CCDC134: variants seen among roughly 807,000 people sequenced by gnomAD.
The protein encoded by CCDC134 is coiled-coil domain containing 134.
A neutral mutation model predicts 25.6 loss-of-function variants in CCDC134; 27 were observed. The observed-to-expected ratio is 1.05, with a 90% CI of 0.78 to 1.45. CCDC134 has a LOEUF of 1.45. Among genes scored for constraint, CCDC134 ranks in the 40% most tolerant of loss-of-function variants. The pLI, the probability that CCDC134 is intolerant of heterozygous loss-of-function variation, is 0.00. For synonymous variants in CCDC134, 110 were observed against 115.0 expected (o/e 0.96, Z 0.28); for missense variants, 261 against 286.7 (o/e 0.91, Z 0.65).
At position 41,813,937 on chromosome 22, in the gene CCDC134, G is replaced by A; in HGVS notation, c.564+115G>A. 5.9e-6 allele frequency: 5 copies of A among 852,800 alleles called. No individual in the cohort carries two copies. In the South Asian group the frequency reaches 7.4e-5, roughly 13 times the overall value. 52.8% of individuals were successfully genotyped at this position (852,800 alleles called of 1,614,324 possible). ...CTTTGGACTTGGAGCCAGGCAGCCT[G>A]GGCCTGGGTCCAGAAGATATCACTG... is the stretch of plus-strand genomic sequence containing the variant. On this transcript the variant is annotated intron_variant, in intron 6 of 6. Transcript: ENST00000255784.
intron 6 of CCDC134, among the ~76,000 whole-genome samples, chr22:41,824,780 A>G (rs1213029871): frequency 6.6e-6 from 1 of 152,108 alleles, no homozygotes; most frequent in Admixed American, 6.5e-5. Context: ...AAAGAAAAGA[A>G]AAGATCCAAC....
chr22:41,817,422 T>C (rs2076627897), intron 6 of CCDC134, among the ~76,000 whole-genome samples: 1 of 152,098 alleles, frequency 6.6e-6, no homozygotes, highest in South Asian at 2.1e-4. Flanking sequence ...CCATAGTCTG[T>C]GGCCCTAAAG....
At chr22:41,804,138 A>G (rs183524875) in intron 1 of CCDC134, among the ~76,000 whole-genome samples, 45 of 152,328 alleles carry the variant, frequency 3.0e-4, no homozygotes, top group Admixed American at 2.2e-3. Flanking sequence ...TACTCAAAAA[A>G]AAAGAAACGA....
intron 1 of CCDC134, among the ~76,000 whole-genome samples, chr22:41,803,069 G>A (rs754950858): frequency 6.6e-6 from 1 of 151,962 alleles, no homozygotes; most frequent in African/African-American, 2.4e-5. Context: ...AGCCGAGATC[G>A]CACCATTGCA....
chr22:41,809,459 G>A (rs2076583702), intron 2 of CCDC134, among the ~76,000 whole-genome samples: 1 of 152,208 alleles, frequency 6.6e-6, no homozygotes, highest in Non-Finnish European at 1.5e-5. Flanking sequence ...GGGCACAGGA[G>A]GGGTCAGGGA....
Position 41,825,810 on chromosome 22 carries a change from A to T in CCDC134, c.677A>T (p.Gln226Leu), listed in dbSNP as rs2076674955. The change falls in exon 7 of 7, where the codon CAG (glutamine) becomes CTG (leucine). Residue 226 changes from glutamine to leucine, a missense_variant. Physicochemically the swap from Gln to Leu is moderately radical, Grantham distance 113 (BLOSUM62 -2). Coordinates refer to ENST00000255784, the MANE Select transcript of CCDC134 (RefSeq NM_024821.5). The surrounding 1 kb of genome is among the most constrained non-coding windows in gnomAD (Gnocchi z 4.4). ...IRKGPRISRS[Q>L]SEL ...AAAGGCCCAAGGATCTCCAGATCCCAGTCTGAGTTATAGCCCTGGAGCAGC... is the reference window on the plus strand; with the variant it reads ...AAAGGCCCAAGGATCTCCAGATCCCTGTCTGAGTTATAGCCCTGGAGCAGC... 1 of 1,614,032 alleles carries T rather than the reference A, an allele frequency of 6.2e-7. No individual in the cohort carries two copies. The highest frequency in any genetic ancestry group is 8.5e-7 in the Non-Finnish European group (1 of 1,179,988).
chr22:41,806,422 G>A (rs926152430), intron 1 of CCDC134, among the ~76,000 whole-genome samples: 8 of 151,668 alleles, frequency 5.3e-5, no homozygotes, highest in Non-Finnish European at 1.2e-4. Context: ...GGGTTTCACT[G>A]TGTTAGCCAG....
rs1251353327 is a variant in CCDC134 at position 41,806,322 on chromosome 22, G to A, written c.-16-2553G>A. 2.0e-5 allele frequency among the ~76,000 whole-genome samples: 3 copies of A among 150,156 alleles called. 1 individual carries two copies. The highest frequency in any genetic ancestry group is 4.2e-4 in the South Asian group (2 of 4,772). ...CAACCTCTGCCTCCTGGGTACAAGC[G>A]ATTCTCCTGCCTCAGCCTCCCAAGT... On this transcript the variant is annotated intron_variant, in intron 1 of 6. Coordinates refer to ENST00000255784, the MANE Select transcript of CCDC134 (RefSeq NM_024821.5).
intron 3 of CCDC134, 66 bp from the exon 4 acceptor site, chr22:41,810,141 A>G (rs2076587488): frequency 1.3e-6 from 2 of 1,596,634 alleles, no homozygotes; most frequent in Non-Finnish European, 1.7e-6. Context: ...GGTTTAAATA[A>G]ATGGGGATGG....
At chr22:41,809,532 GA>G (rs921722068) in intron 2 of CCDC134, among the ~76,000 whole-genome samples, 20 of 152,328 alleles carry the variant, frequency 1.3e-4, no homozygotes, top group African/African-American at 4.8e-4. Context: ...AGAGGAGGGT[GA>G]GGGGCATCCT....
intron 4 of CCDC134, among the ~76,000 whole-genome samples, chr22:41,811,025 C>T (rs1444090976): frequency 6.6e-6 from 1 of 152,128 alleles, no homozygotes; most frequent in African/African-American, 2.4e-5. Context: ...CCCCGGGGTC[C>T]CTGCCTGACA....
intron 5 of CCDC134, 41 bp downstream of exon 5, chr22:41,813,486 G>T: frequency 5.0e-6 from 8 of 1,606,862 alleles, no homozygotes; most frequent in Admixed American, 1.7e-5. Flanking sequence ...CCCTCTGTCG[G>T]GTAGTGGACT....
intron 6 of CCDC134, among the ~76,000 whole-genome samples, chr22:41,823,835 A>C (rs1435581990): frequency 6.6e-6 from 1 of 152,172 alleles, no homozygotes; most frequent in Non-Finnish European, 1.5e-5. Context: ...ACCCAGAGAA[A>C]ACCCACCAGA....
At chr22:41,807,598 A>G (rs1372429655) in intron 1 of CCDC134, among the ~76,000 whole-genome samples, 1 of 152,006 alleles carries the variant, frequency 6.6e-6, no homozygotes, top group Admixed American at 6.6e-5. Flanking sequence ...CTAACAAAAA[A>G]CATTTAAGAG....
At chr22:41,808,116 C>T (rs931378219) in intron 1 of CCDC134, among the ~76,000 whole-genome samples, 2 of 151,436 alleles carry the variant, frequency 1.3e-5, no homozygotes, top group Non-Finnish European at 2.9e-5. Flanking sequence ...GCCGAGATTG[C>T]GCCATTCCAC....
At chr22:41,815,262 G>A (rs1343991250) in intron 6 of CCDC134, among the ~76,000 whole-genome samples, 4 of 143,434 alleles carry the variant, frequency 2.8e-5, no homozygotes, top group Non-Finnish European at 4.5e-5. Flanking sequence ...CTGGAGTACA[G>A]TGGCGCGATC....
At chr22:41,810,061 T>C in intron 3 of CCDC134, 61 bp downstream of exon 3, 1 of 1,606,758 alleles carries the variant, frequency 6.2e-7, no homozygotes, top group South Asian at 1.1e-5. Context: ...CACTGATGGG[T>C]AAACAGGAGT....
At chr22:41,812,422 CAAAAAAAAAAAAA>C (rs36098937) in intron 4 of CCDC134, among the ~76,000 whole-genome samples, 1 of 77,208 alleles carries the variant, frequency 1.3e-5, no homozygotes, top group Non-Finnish European at 2.6e-5. Flanking sequence ...ACTCCGTCTC[CAAAAAAAAAAAAA>C]AAAAAAAAAG....
At chr22:41,814,007 C>T (rs1008360080) in intron 6 of CCDC134, among the ~76,000 whole-genome samples, 185 bp downstream of exon 6, 4 of 152,216 alleles carry the variant, frequency 2.6e-5, no homozygotes, top group Non-Finnish European at 5.9e-5. Flanking sequence ...CTCTTAGCCT[C>T]AGGCTCCCTG....
Sources: allele counts gnomAD v4.1 joint callset (sites outside exome capture counted in the v4.1 genomes callset), GRCh38; gene constraint gnomAD v4.1.1; non-coding constraint Gnocchi (gnomAD v3.1); transcripts MANE v1.5; gene names NCBI Gene and HGNC (gene_info 2026-07-23, HGNC 2026-07-21).